Variants in MAP4K1 observed in about 807,000 individuals in gnomAD.
MAP4K1 encodes mitogen-activated protein kinase kinase kinase kinase 1, also known as MAPK/ERK kinase kinase kinase 1.
A neutral mutation model predicts 122.8 loss-of-function variants in MAP4K1; 35 were observed. The observed-to-expected ratio is 0.29, with a 90% confidence interval of 0.22 to 0.38. The LOEUF (loss-of-function observed/expected upper bound fraction) is 0.38. Ranked by LOEUF, MAP4K1 falls within the 10% of genes least tolerant of loss-of-function variation. The pLI, the probability that MAP4K1 is intolerant of heterozygous loss-of-function variation, is 1.00. For missense variants in MAP4K1, 791 were observed against 1,072.6 expected, an observed-to-expected ratio of 0.74 and a Z score of 3.67; for synonymous variants, 412 against 421.3, an observed-to-expected ratio of 0.98 and a Z score of 0.27.
At position 38,609,694 on chromosome 19, in the gene MAP4K1, C is replaced by T. The variant is rs767798721; in HGVS notation, c.928-20G>A. ...GGGTAGCTGGGCAGAGGGGCAGCCA[C>T]GTCAGGGCTCAAGACCCCCAAGCAG... On this transcript the variant is annotated intron_variant, in intron 12 of 30. Coordinates refer to ENST00000396857, the MANE Select transcript of MAP4K1 (RefSeq NM_001042600.3). 1.6e-5 allele frequency: 25 copies of T among 1,601,366 alleles called. No individual in the cohort carries two copies. Among genetic ancestry groups the T allele is most frequent in the African/African-American group, 4.0e-5 (3 of 74,784 alleles).
At chr19:38,610,936 T>C (rs1249449067) in intron 11 of MAP4K1, 115 bp downstream of exon 11, 1 of 900,582 alleles carries the variant, frequency 1.1e-6, no homozygotes, top group East Asian at 2.6e-5. Flanking sequence ...TCTGAGGCAC[T>C]AGGGACTTTG....
intron 17 of MAP4K1, 77 bp downstream of exon 17, chr19:38,606,096 C>T: frequency 8.5e-7 from 1 of 1,180,856 alleles, no homozygotes; most frequent in South Asian, 1.3e-5. Flanking sequence ...CCCAGTATCC[C>T]AGCATCTAAG....
At chr19:38,608,799 CAAAAAAAAAAA>C (rs1031744033) in intron 13 of MAP4K1, among the ~76,000 whole-genome samples, 118 of 9,546 alleles carry the variant, frequency 0.012, 1 homozygote, top group Non-Finnish European at 0.021. Context: ...AACTCCGTCT[CAAAAAAAAAAA>C]AAAAAAAAAA....
At chr19:38,614,150 G>A (rs1054237463) in intron 6 of MAP4K1, 65 bp from the exon 7 acceptor site, 34 of 1,609,208 alleles carry the variant, frequency 2.1e-5, no homozygotes, top group South Asian at 5.5e-5. Context: ...AGCCCACTCC[G>A]CCAGCTCAAA....
intron 16 of MAP4K1, among the ~76,000 whole-genome samples, chr19:38,607,162 C>T (rs1319562547): frequency 6.6e-6 from 1 of 151,812 alleles, no homozygotes; most frequent in Non-Finnish European, 1.5e-5. Context: ...GGGGTCAAGT[C>T]AGAGATTGGA....
rs528991483 is a variant in MAP4K1 at position 38,617,368 on chromosome 19, A to G, written c.234T>C (p.His78=). ...AGGTTCATCACCAGAGATAACTCCC[A>G]TGGTAGGCCACGATGTTGGCGTGCC... ...TCRHANIVAY[H]GSYLWLQKLW... The change falls in exon 3 of 31, where the codon CAT becomes CAC. Residue 78 remains histidine, a synonymous_variant. Transcript: ENST00000396857. The surrounding 1 kb of genome is among the most constrained non-coding windows in gnomAD (Gnocchi z 4.1). 1.2e-6 allele frequency: 2 copies of G among 1,613,458 alleles called. No homozygotes were observed. The highest frequency in any genetic ancestry group is 1.3e-5 in the African/African-American group (1 of 75,028).
chr19:38,615,054 G>A (rs1298396253), intron 4 of MAP4K1, among the ~76,000 whole-genome samples: 2 of 151,974 alleles, frequency 1.3e-5, no homozygotes, highest in African/African-American at 4.8e-5. Context: ...AGAAAGGTGC[G>A]CGTAGGAGGA....
intron 19 of MAP4K1, 103 bp downstream of exon 19, chr19:38,605,306 A>AT: frequency 1.1e-6 from 1 of 876,900 alleles, no homozygotes; most frequent in South Asian, 1.6e-5. Context: ...CGCTCAACAA[A>AT]TGTCACCTGT....
In MAP4K1 at chr19:38,597,908, A is replaced by G. The variant is rs1357965706; in HGVS notation, c.1670-314T>C. Among the ~76,000 whole-genome samples, 2 of 152,234 alleles carry G rather than the reference A, an allele frequency of 1.3e-5. No homozygotes were observed. Among genetic ancestry groups the G allele is most frequent in the African/African-American group, 2.4e-5 (1 of 41,472 alleles). ...GTCAGATGAAGTTACACATCTTACA[A>G]AGTTTTAGAAGAAACACATCTAGAA... is the stretch of plus-strand genomic sequence containing the variant. On this transcript the variant is annotated intron_variant, in intron 22 of 30. Transcript: ENST00000396857. This position sits in a 1 kb window ranked among gnomAD's most constrained non-coding sequence, Gnocchi z 4.6.
In MAP4K1 at chr19:38,608,799, C is replaced by CAAAAAAAA. The variant is rs1031744033; in HGVS notation, c.1007-637_1007-630dup. On this transcript the variant is annotated intron_variant, in intron 13 of 30. Coordinates refer to ENST00000396857, the MANE Select transcript of MAP4K1 (RefSeq NM_001042600.3). ...TGGGCGACAGAGTGAAACTCCGTCTCAAAAAAAAAAAAAAAAAAAAAAAAA... is the reference window on the plus strand; with the variant it reads ...TGGGCGACAGAGTGAAACTCCGTCTCAAAAAAAAAAAAAAAAAAAAAAAAAAAAAAAAA... 7.3e-4 allele frequency among the ~76,000 whole-genome samples: 7 copies of CAAAAAAAA among 9,558 alleles called. 2 individuals carry two copies. The highest frequency in any genetic ancestry group is 2.1e-3 in the African/African-American group (6 of 2,814). 6.3% of individuals were successfully genotyped at this position (9,558 alleles called of 152,430 possible).
rs935920762 is a variant in MAP4K1 at position 38,608,065 on chromosome 19, T to G, written c.1066-32A>C. 2.5e-6 allele frequency: 4 copies of G among 1,572,860 alleles called. No homozygotes were observed. In the African/African-American group the frequency reaches 5.4e-5, roughly 21 times the overall value. On this transcript the variant is annotated intron_variant, in intron 14 of 30. Coordinates refer to ENST00000396857, the MANE Select transcript of MAP4K1 (RefSeq NM_001042600.3). ...GGTAGGAAAAGGGTCAGCAGTGGCCTCAGGGAAGCAGGCGGTGTGGTGGGG... is the reference window on the plus strand; with the variant it reads ...GGTAGGAAAAGGGTCAGCAGTGGCCGCAGGGAAGCAGGCGGTGTGGTGGGG...
At chr19:38,594,385 C>A (rs1490794932) in intron 29 of MAP4K1, among the ~76,000 whole-genome samples, 2 of 152,112 alleles carry the variant, frequency 1.3e-5, no homozygotes, top group African/African-American at 2.4e-5. Flanking sequence ...CACGCCTGTA[C>A]TCCCAGCACT....
At chr19:38,593,133 G>T in intron 30 of MAP4K1, 149 bp downstream of exon 30, 1 of 635,166 alleles carries the variant, frequency 1.6e-6, no homozygotes, top group Non-Finnish European at 2.6e-6. Context: ...GCAGTGCAGA[G>T]AACAGACTCT....
Position 38,609,994 on chromosome 19 carries a change from C to G in MAP4K1, c.842G>C (p.Arg281Pro), listed in dbSNP as rs146342040. The G allele has an allele frequency of 9.3e-6, 15 of 1,614,140 alleles. No homozygotes were observed. In the South Asian group the frequency reaches 1.5e-4, roughly 17 times the overall value. ...GTCAAGAAGATCCAGGATCAGGCCT[C>G]GATTCAGCCCAGGCTGGGATACCAG... ...HQLVSQPGLN[R>P]GLILDLLDKL... The change falls in exon 12 of 31, where the codon CGA becomes CCA. Residue 281 changes from arginine to proline, a missense_variant. This residue lies in a region of MAP4K1 where 303 missense variants were observed against 344.8 expected (regional missense o/e 0.88). Transcript: ENST00000396857.
At chr19:38,605,321 A>T in intron 19 of MAP4K1, 88 bp downstream of exon 19, 2 of 1,015,066 alleles carry the variant, frequency 2.0e-6, no homozygotes, top group Non-Finnish European at 3.0e-6. Flanking sequence ...ACCTGTTGTT[A>T]CTGTCAGTCC....
chr19:38,617,288 A>T lies in MAP4K1; in HGVS notation c.248+66T>A. 1 of 1,060,430 alleles carries T rather than the reference A, an allele frequency of 9.4e-7. No homozygotes were observed. The highest frequency in any genetic ancestry group is 1.3e-5 in the South Asian group (1 of 79,908). 65.7% of individuals were successfully genotyped at this position (1,060,430 alleles called of 1,614,324 possible). On this transcript the variant is annotated intron_variant, in intron 3 of 30. Transcript: ENST00000396857. The surrounding 1 kb of genome is among the most constrained non-coding windows in gnomAD (Gnocchi z 4.1). The stretch of plus-strand genomic sequence containing the variant: ...AAAAAAAAGAACTGAGGGTACCCCC[A>T]TCAAGAAATGGGGACTCCGGGTTAG...
rs1353258417 is a variant in MAP4K1 at position 38,597,038 on chromosome 19, A to G, written c.1937T>C (p.Val646Ala). The G allele has an allele frequency of 6.2e-7, 1 of 1,614,060 alleles. No homozygotes were observed. The highest frequency in any genetic ancestry group is 1.1e-5 in the South Asian group (1 of 91,086). Reference protein sequence around the residue: ...WYQPMNKFLLVRQVLFPLPTP... With the variant: ...WYQPMNKFLLARQVLFPLPTP... ...GCACCCTCCCAAGCCCCTTACCCGG[A>G]CAAGCAGGAATTTGTTCATGGGCTG... Residue 646 changes from valine (V) to alanine (A), a missense_variant, in exon 25 of 31, where the codon GTC (valine) becomes GCC (alanine). Val to Ala is a moderately conservative substitution (Grantham distance 64, BLOSUM62 0). This residue lies in a region of MAP4K1 where 267 missense variants were observed against 323.0 expected (regional missense o/e 0.83). Transcript: ENST00000396857. This position sits in a 1 kb window ranked among gnomAD's most constrained non-coding sequence, Gnocchi z 4.6.
intron 19 of MAP4K1, 191 bp from the exon 20 acceptor site, chr19:38,601,716 T>C (rs1975071102): frequency 1.8e-6 from 1 of 560,116 alleles, no homozygotes; most frequent in African/African-American, 2.0e-5. Context: ...AGTTTGTTTT[T>C]GTTTTTTTTT....
chr19:38,592,108 C>T (rs1974744730), intron 30 of MAP4K1, among the ~76,000 whole-genome samples: 1 of 151,814 alleles, frequency 6.6e-6, no homozygotes, highest in South Asian at 2.1e-4. Context: ...CCCGTCTCTA[C>T]AAAAAAATTT....
Sources: allele counts gnomAD v4.1 joint callset (sites outside exome capture counted in the v4.1 genomes callset), GRCh38; gene constraint gnomAD v4.1.1; regional missense constraint gnomAD v4.1.1; non-coding constraint Gnocchi (gnomAD v3.1); transcripts MANE v1.5; gene names NCBI Gene and HGNC (gene_info 2026-07-23, HGNC 2026-07-21).